SLC25A16: variants seen among roughly 807,000 people sequenced by gnomAD.
SLC25A16 encodes the protein solute carrier family 25 member 16.
SLC25A16 carries 39 observed loss-of-function variants against 41.5 expected under a neutral mutation model. That is an observed-to-expected ratio of 0.94 (90% CI 0.73 to 1.23). The LOEUF (loss-of-function observed/expected upper bound fraction) is 1.23. Among genes scored for constraint, SLC25A16 ranks in the 50% most tolerant of loss-of-function variants. The pLI is 0.00. For synonymous variants in SLC25A16, 146 were observed against 147.8 expected, an observed-to-expected ratio of 0.99 and a Z score of 0.09; for missense variants, 421 against 426.9, an observed-to-expected ratio of 0.99 and a Z score of 0.12.
chr10:68,517,255 C>G (rs2053175559), intron 1 of SLC25A16: 1 of 987,584 alleles, frequency 1.0e-6, no homozygotes, highest in Non-Finnish European at 1.2e-6. Flanking sequence ...TTGAAGTAAA[C>G]TCCTCTTCTT....
rs552443687 is a variant in SLC25A16 at position 68,509,160 on chromosome 10, A to C, written c.224-2442T>G. On this transcript the variant is annotated intron_variant, in intron 2 of 8. Transcript: ENST00000609923. ...AAGACCAGCCTGACCAACATGGGGA[A>C]ACCCTGTCTCTCCTAAAAATACAAA... 4.6e-5 allele frequency among the ~76,000 whole-genome samples: 7 copies of C among 152,074 alleles called. No individual in the cohort carries two copies. In the South Asian group the frequency reaches 1.5e-3, roughly 32 times the overall value.
chr10:68,506,575 G>C lies in SLC25A16; in HGVS notation c.357+10C>G. 2 of 1,555,150 alleles carry C rather than the reference G, an allele frequency of 1.3e-6. No individual in the cohort carries two copies. The highest frequency in any genetic ancestry group is 1.7e-6 in the Non-Finnish European group (2 of 1,153,324). ...AGAACGCAAAAGAGAAAAGATCAAA[G>C]TTTAACTACCGTTTTATAATGCTCA... On this transcript the variant is annotated intron_variant, in intron 3 of 8. Coordinates refer to ENST00000609923, the MANE Select transcript of SLC25A16 (RefSeq NM_152707.4).
intron 3 of SLC25A16, among the ~76,000 whole-genome samples, chr10:68,504,002 A>G (rs2052903830): frequency 6.8e-6 from 1 of 147,308 alleles, no homozygotes; most frequent in Non-Finnish European, 1.5e-5. Flanking sequence ...TGGGGGTAGT[A>G]GGAATAAACT....
At chr10:68,515,061 T>G (rs2053137283) in intron 2 of SLC25A16, among the ~76,000 whole-genome samples, 1 of 150,708 alleles carries the variant, frequency 6.6e-6, no homozygotes, top group Non-Finnish European at 1.5e-5. Flanking sequence ...TTTTTTTTTT[T>G]TAACAAAGCA....
At chr10:68,502,737 AAGGAG>A (rs1294642771) in intron 4 of SLC25A16, among the ~76,000 whole-genome samples, 2 of 127,564 alleles carry the variant, frequency 1.6e-5, no homozygotes, top group African/African-American at 3.0e-5. Flanking sequence ...TGTCTCAAAA[AAGGAG>A]AGGAGAGGAG....
chr10:68,509,111 C>T (rs1590115697), intron 2 of SLC25A16, among the ~76,000 whole-genome samples: 1 of 151,870 alleles, frequency 6.6e-6, no homozygotes, highest in Non-Finnish European at 1.5e-5. Flanking sequence ...GCAGAGGCAG[C>T]GGATCACTTG....
At position 68,523,214 on chromosome 10, in the gene SLC25A16, T is replaced by A. The variant is rs11816020; in HGVS notation, c.130+4032A>T. On this transcript the variant is annotated intron_variant, in intron 1 of 8. Coordinates refer to ENST00000609923, the MANE Select transcript of SLC25A16 (RefSeq NM_152707.4). ...AAGTGATTCTCCTGCCTCAGCCTCC[T>A]GAGTAGCTGGGACTACAACAGGTGG... Among the ~76,000 whole-genome samples, 5 of 151,944 alleles carry A rather than the reference T, an allele frequency of 3.3e-5. No homozygotes were observed. In the South Asian group the frequency reaches 1.0e-3, roughly 32 times the overall value.
At chr10:68,521,541 T>C (rs1330186710) in intron 1 of SLC25A16, among the ~76,000 whole-genome samples, 1 of 146,564 alleles carries the variant, frequency 6.8e-6, no homozygotes, top group East Asian at 2.1e-4. Context: ...AAATAAAAAA[T>C]AAACACAACG....
intron 2 of SLC25A16, 125 bp from the exon 3 acceptor site, chr10:68,506,843 G>T: frequency 1.9e-6 from 1 of 531,030 alleles, no homozygotes. Context: ...GGGATTACAT[G>T]AATAGTAATT....
At chr10:68,490,577 A>G (rs189439174) in intron 6 of SLC25A16, among the ~76,000 whole-genome samples, 14 of 151,982 alleles carry the variant, frequency 9.2e-5, no homozygotes, top group African/African-American at 3.1e-4. Flanking sequence ...TCCTGACCTC[A>G]TGATCCACTC....
intron 8 of SLC25A16, 34 bp from the exon 9 acceptor site, chr10:68,483,622 C>A: frequency 6.6e-7 from 1 of 1,513,478 alleles, no homozygotes. Context: ...GACCTCTATG[C>A]CCACTCATGA....
intron 8 of SLC25A16, among the ~76,000 whole-genome samples, chr10:68,485,233 G>A (rs992090662): frequency 6.6e-6 from 1 of 151,922 alleles, no homozygotes; most frequent in African/African-American, 2.4e-5. Context: ...GGGACTACAG[G>A]CGCACACCGC....
At chr10:68,493,065 G>GAAA (rs11288507) in intron 6 of SLC25A16, 67 bp downstream of exon 6, 107 of 772,336 alleles carry the variant, frequency 1.4e-4, no homozygotes, top group South Asian at 1.7e-4. Context: ...TACCATTTCA[G>GAAA]AAAAAAAAAA....
chr10:68,525,166 G>A (rs1321155117), intron 1 of SLC25A16, among the ~76,000 whole-genome samples: 1 of 152,058 alleles, frequency 6.6e-6, no homozygotes. Context: ...TTGAGATGGA[G>A]TGTCTCTGTC....
In SLC25A16 at chr10:68,513,428, AAAAAG is replaced by A. The variant is rs374024230; in HGVS notation, c.223+3318_223+3322del. The stretch of plus-strand genomic sequence containing the variant: ...TCTCAAAAAAAAAAAAGAGGAAAAA[AAAAAG>A]AAAAGAAAAGAAAAAATATTGACAA... On this transcript the variant is annotated intron_variant, in intron 2 of 8. Transcript: ENST00000609923. 2.6e-3 allele frequency among the ~76,000 whole-genome samples: 401 copies of A among 151,532 alleles called. 1 individual carries two copies. The highest frequency in any genetic ancestry group is 9.2e-3 in the African/African-American group (379 of 41,074).
At chr10:68,498,651 C>G (rs999576592) in intron 4 of SLC25A16, among the ~76,000 whole-genome samples, 1 of 152,128 alleles carries the variant, frequency 6.6e-6, no homozygotes, top group Non-Finnish European at 1.5e-5. Flanking sequence ...ACTATCATCT[C>G]AGCACTGCAC....
chr10:68,513,032 T>G (rs2053094252), intron 2 of SLC25A16, among the ~76,000 whole-genome samples: 1 of 150,818 alleles, frequency 6.6e-6, no homozygotes. Context: ...AGAGAGAGAC[T>G]CCGTCTGATA....
Position 68,516,858 on chromosome 10 carries a change from A to C in SLC25A16, c.131-15T>G, listed in dbSNP as rs773742119. 3 of 1,582,980 alleles carry C rather than the reference A, an allele frequency of 1.9e-6. No homozygotes were observed. The South Asian group carries it at 3.4e-5, about 18-fold the overall frequency. On this transcript the variant is annotated splice_polypyrimidine_tract_variant and intron_variant, in intron 1 of 8. Transcript: ENST00000609923. Reference sequence around the variant, plus strand: ...TCCAGCAATACCTAAAAATTTTTCAAAAGGTCAGGAAGAAATTGCGTACCA... The same window carrying C: ...TCCAGCAATACCTAAAAATTTTTCACAAGGTCAGGAAGAAATTGCGTACCA...
At chr10:68,509,754 G>A (rs9415908) in intron 2 of SLC25A16, among the ~76,000 whole-genome samples, 1 of 135,352 alleles carries the variant, frequency 7.4e-6, no homozygotes, top group Non-Finnish European at 1.6e-5. Context: ...TATATATATA[G>A]ATATATAGAT....
Sources: gnomAD v4.1 joint callset for allele counts (sites outside exome capture counted in the v4.1 genomes callset) on GRCh38, gnomAD v4.1.1 for gene constraint, MANE v1.5 for transcripts, NCBI Gene and HGNC (gene_info 2026-07-23, HGNC 2026-07-21) for gene names.